Variants in PWP1 observed in about 807,000 individuals in gnomAD.
PWP1 encodes the protein PWP1 homolog, endonuclein.
Under a neutral mutation model 69.9 loss-of-function variants are expected in PWP1, and 47 were observed. The observed-to-expected ratio is 0.67, with a 90% CI of 0.53 to 0.86. The LOEUF (loss-of-function observed/expected upper bound fraction) is 0.86, where lower values mean the gene tolerates loss of function less well. Ranked by LOEUF, PWP1 falls within the 40% of genes least tolerant of loss-of-function variation. PWP1 has a pLI of 0.00. For synonymous variants in PWP1, 222 were observed against 208.2 expected (o/e 1.07, Z -0.57); for missense variants, 551 against 608.8 (o/e 0.91, Z 1.00).
At chr12:107,694,070 T>C (rs545631233) in intron 5 of PWP1, among the ~76,000 whole-genome samples, 12 of 152,364 alleles carry the variant, frequency 7.9e-5, no homozygotes, top group African/African-American at 2.6e-4. Flanking sequence ...TTTTAAATTG[T>C]ATTTTTAAAT....
rs61728433 is a variant in PWP1, at chr12:107,686,969, C to CA, written c.72+1029dup. 2.6e-3 allele frequency among the ~76,000 whole-genome samples: 277 copies of CA among 106,814 alleles called. 18 individuals carry two copies. The highest frequency in any genetic ancestry group is 3.7e-3 in the Non-Finnish European group (194 of 52,490). The allele number at this position is 106,814 out of a possible 152,430, so 70.1% of individuals were successfully genotyped here. A position where few individuals can be genotyped will look rare whatever the true frequency, so the allele number is the denominator to read the frequency against. On this transcript the variant is annotated intron_variant, in intron 1 of 14. Transcript: ENST00000412830. The stretch of plus-strand genomic sequence containing the variant: ...CGGGCAACAGAGTGAGACTCCGTCT[C>CA]AAAAAAAAAAAAAAAAAAAAAAAAA...
intron 11 of PWP1, among the ~76,000 whole-genome samples, chr12:107,705,806 C>G (rs1052627079): frequency 6.6e-5 from 10 of 152,092 alleles, no homozygotes; most frequent in Admixed American, 2.6e-4. Context: ...CAAGTCTTTT[C>G]TATCGTGAAT....
At position 107,696,485 on chromosome 12, in the gene PWP1, G is replaced by T; in HGVS notation, c.514G>T (p.Glu172Ter). 2 of 1,613,208 alleles carry T rather than the reference G, an allele frequency of 1.2e-6. No homozygotes were observed. The highest frequency in any genetic ancestry group is 1.7e-6 in the Non-Finnish European group (2 of 1,179,776). Reference sequence around the variant, plus strand: ...CCCAATCTTTTCAGTTTATAATCAAGAAGAAGACTCTTTTTATGTACACCA... The same window carrying T: ...CCCAATCTTTTCAGTTTATAATCAATAAGAAGACTCTTTTTATGTACACCA... ...CNLEVHVYNQ[E>*]EDSFYVHHDI... is the part of the protein sequence containing the mutation. The change falls in exon 6 of 15, where the codon GAA (glutamate) becomes TAA (stop). Residue 172 changes from glutamate (E) to a stop codon, truncating the protein, a stop_gained. Transcript: ENST00000412830. LOFTEE classifies it high-confidence loss of function.
intron 7 of PWP1, chr12:107,697,918 A>G: frequency 2.5e-6 from 1 of 399,300 alleles, no homozygotes; most frequent in Non-Finnish European, 4.9e-6. Context: ...ATTTATACAG[A>G]TATACCAACC....
intron 5 of PWP1, among the ~76,000 whole-genome samples, chr12:107,694,281 C>A (rs574154190): frequency 2.4e-4 from 37 of 152,286 alleles, no homozygotes; most frequent in Non-Finnish European, 4.4e-4. Context: ...CTCTCCTCCC[C>A]CAGCAGTCTT....
In PWP1 at chr12:107,712,755, A is replaced by G. The variant is rs986600107; in HGVS notation, c.*535A>G. 9 of 152,762 alleles carry G rather than the reference A, an allele frequency of 5.9e-5. No homozygotes were observed. The highest frequency in any genetic ancestry group is 1.9e-4 in the African/African-American group (8 of 41,470). The allele number at this position is 152,762 out of a possible 1,614,324, so 9.5% of individuals were successfully genotyped here. A position where few individuals can be genotyped will look rare whatever the true frequency, so the allele number is the denominator to read the frequency against. ...AGTTACATGCCCCTGTTTTCCTAGC[A>G]TGATATTCACTGTTATCAAAGACAA... On this transcript the variant is annotated 3_prime_UTR_variant, in exon 15 of 15. Coordinates refer to ENST00000412830, the MANE Select transcript of PWP1 (RefSeq NM_007062.3).
intron 7 of PWP1, 100 bp from the exon 8 acceptor site, chr12:107,699,273 C>T: frequency 2.1e-6 from 2 of 972,542 alleles, no homozygotes; most frequent in Non-Finnish European, 3.2e-6. Context: ...CAAAACAAAA[C>T]AAAATAATCT....
intron 3 of PWP1, chr12:107,692,591 TTG>T (rs1889501032): frequency 2.0e-6 from 1 of 487,968 alleles, no homozygotes; most frequent in Non-Finnish European, 3.6e-6. Flanking sequence ...CATTGGAAGA[TTG>T]TGAATTCCAA....
At chr12:107,711,311 C>G (rs1889948172) in intron 14 of PWP1, among the ~76,000 whole-genome samples, 1 of 152,170 alleles carries the variant, frequency 6.6e-6, no homozygotes, top group Non-Finnish European at 1.5e-5. Flanking sequence ...CATTCGTAAA[C>G]CCACAACCTT....
At chr12:107,686,622 C>T (rs1280769263) in intron 1 of PWP1, among the ~76,000 whole-genome samples, 1 of 152,176 alleles carries the variant, frequency 6.6e-6, no homozygotes, top group African/African-American at 2.4e-5. Flanking sequence ...ATACTAAGTG[C>T]TTTCTGTAGG....
chr12:107,690,341 T>C (rs12230726), intron 3 of PWP1, among the ~76,000 whole-genome samples: 45,493 of 152,154 alleles, frequency 0.3, 8,315 homozygotes, highest in Middle Eastern at 0.43. Flanking sequence ...GATCACACTG[T>C]ATTCCATCCT....
chr12:107,709,362 A>AT, intron 13 of PWP1, 130 bp downstream of exon 13: 2 of 1,226,486 alleles, frequency 1.6e-6, no homozygotes, highest in Non-Finnish European at 2.3e-6. Context: ...GGGGAAGTGA[A>AT]TTTTGAGTTT....
At chr12:107,711,634 G>A (rs1889954356) in intron 14 of PWP1, among the ~76,000 whole-genome samples, 1 of 152,102 alleles carries the variant, frequency 6.6e-6, no homozygotes, top group Admixed American at 6.6e-5. Context: ...GTAGTCTGGT[G>A]CGTTCTACAA....
At chr12:107,696,072 G>A (rs750725194) in intron 5 of PWP1, among the ~76,000 whole-genome samples, 7 of 124,290 alleles carry the variant, frequency 5.6e-5, no homozygotes, top group East Asian at 2.6e-4. Flanking sequence ...TCACTATGTC[G>A]CCCAGGCTGG....
At position 107,708,547 on chromosome 12, in the gene PWP1, C is replaced by T. The variant is rs150668847; in HGVS notation, c.1078-379C>T. Among the ~76,000 whole-genome samples, 13 of 152,282 alleles carry T rather than the reference C, an allele frequency of 8.5e-5. No individual in the cohort carries two copies. In the East Asian group the frequency reaches 2.5e-3, roughly 29 times the overall value. On this transcript the variant is annotated intron_variant, in intron 11 of 14. Transcript: ENST00000412830. ...TTTGACTGTTGGTCACGCCTTGGTTCCTTGACACTCTTCCCTATCCCTTCT... is the reference window on the plus strand; with the variant it reads ...TTTGACTGTTGGTCACGCCTTGGTTTCTTGACACTCTTCCCTATCCCTTCT...
rs1409206140 is a variant in PWP1 at position 107,712,092 on chromosome 12, CTGTT to C, written c.1397-17_1397-14del. ...ATTTCCTGATCTGTTAGTTTCTTAC[CTGTT>C]TATTTGTATTTTAGTAAATGAAGCA... On this transcript the variant is annotated splice_polypyrimidine_tract_variant and intron_variant, in intron 14 of 14. Coordinates refer to ENST00000412830, the MANE Select transcript of PWP1 (RefSeq NM_007062.3). 4 of 1,583,766 alleles carry C rather than the reference CTGTT, an allele frequency of 2.5e-6. No individual in the cohort carries two copies. The Admixed American group carries it at 5.0e-5, about 20-fold the overall frequency.
At position 107,688,779 on chromosome 12, in the gene PWP1, A is replaced by C. The variant is rs1889426003; in HGVS notation, c.296A>C (p.Lys99Thr). The C allele has an allele frequency of 6.2e-7, 1 of 1,613,906 alleles. No homozygotes were observed. The highest frequency in any genetic ancestry group is 1.7e-5 in the Admixed American group (1 of 59,978). Residue 99 changes from lysine to threonine, a missense_variant, in exon 3 of 15, where the codon AAA becomes ACA. Lys to Thr is a moderately conservative substitution (Grantham distance 78). Coordinates refer to ENST00000412830, the MANE Select transcript of PWP1 (RefSeq NM_007062.3). ...DDELAEYDLD[K>T]YDEEGDPDAE... ...GAGCTGGCTGAGTACGACTTAGATA[A>C]ATATGATGAGGAAGGTGACCCAGGT...
chr12:107,697,746 T>C, intron 7 of PWP1, 149 bp downstream of exon 7: 1 of 801,416 alleles, frequency 1.2e-6, no homozygotes, highest in South Asian at 1.4e-5. Flanking sequence ...TTTTTAGTTT[T>C]GAAAAGGCCA....
At position 107,709,124 on chromosome 12, in the gene PWP1, C is replaced by A; in HGVS notation, c.1182C>A (p.Ser394Arg). The A allele has an allele frequency of 6.2e-7, 1 of 1,613,720 alleles. No homozygotes were observed. Among genetic ancestry groups the A allele is most frequent in the Non-Finnish European group, 8.5e-7 (1 of 1,179,880 alleles). ...HNDEISGLDL[S>R]SQIKGCLVTA... is the part of the protein sequence containing the mutation. The stretch of plus-strand genomic sequence containing the variant: ...ATCTTCCTTTAGGTCTTGATCTTAG[C>A]AGTCAAATCAAGGGCTGTCTCGTGA... Residue 394 changes from serine (S) to arginine (R), a missense_variant, in exon 13 of 15, where the codon AGC becomes AGA. Ser to Arg is a moderately radical substitution (Grantham distance 110, BLOSUM62 -1). Coordinates refer to ENST00000412830, the MANE Select transcript of PWP1 (RefSeq NM_007062.3).
Sources: gnomAD v4.1 joint callset for allele counts (sites outside exome capture counted in the v4.1 genomes callset) on GRCh38, gnomAD v4.1.1 for gene constraint, MANE v1.5 for transcripts, NCBI Gene and HGNC (gene_info 2026-07-23, HGNC 2026-07-21) for gene names.